The following KCND2 variants were observed in gnomAD, a reference collection of about 807,000 sequenced individuals.
The protein encoded by KCND2 is A-type voltage-gated potassium channel KCND2.
Under a neutral mutation model 54.4 loss-of-function variants are expected in KCND2, and 16 were observed. That is an observed-to-expected ratio of 0.29 (90% CI 0.20 to 0.45). The LOEUF (loss-of-function observed/expected upper bound fraction) is 0.45. Among genes scored for constraint, KCND2 ranks in the 20% least tolerant of loss-of-function variants. The probability of loss-of-function intolerance (pLI) is 1.00; values close to 1 mark genes in which losing one functional copy is unlikely to be tolerated. For missense variants in KCND2, 486 were observed against 824.2 expected, an observed-to-expected ratio of 0.59 and a Z score of 5.02; for synonymous variants, 317 against 310.7, an observed-to-expected ratio of 1.02 and a Z score of -0.21.
chr7:120,519,173 C>T (rs933949054), intron 1 of KCND2, among the ~76,000 whole-genome samples: 5 of 151,814 alleles, frequency 3.3e-5, no homozygotes, highest in African/African-American at 9.7e-5. Context: ...ACTAACAATA[C>T]AAAAAACAAC....
intron 1 of KCND2, among the ~76,000 whole-genome samples, chr7:120,439,920 TC>T (rs1801924673): frequency 6.6e-6 from 1 of 152,116 alleles, no homozygotes; most frequent in African/African-American, 2.4e-5. Context: ...GTTGGTTGTT[TC>T]CATATTTTGG....
chr7:120,669,200 A>G (rs1244697290), intron 1 of KCND2, among the ~76,000 whole-genome samples: 1 of 152,100 alleles, frequency 6.6e-6, no homozygotes, highest in Non-Finnish European at 1.5e-5. Context: ...TCACATGTTT[A>G]AAAGTGAAGT....
Position 120,656,612 on chromosome 7 carries a change from G to T in KCND2, c.1116-76291G>T, listed in dbSNP as rs541595051. On this transcript the variant is annotated intron_variant, in intron 1 of 5. Coordinates refer to ENST00000331113, the MANE Select transcript of KCND2 (RefSeq NM_012281.3). ...ATACAATGTGGAAAACCTGTGAAGT[G>T]TAACACTCAAGTGATATTTATCTAT... Among the ~76,000 whole-genome samples the T allele has an allele frequency of 1.2e-4, 19 of 152,294 alleles. 1 individual carries two copies. In the South Asian group the frequency reaches 3.1e-3, roughly 25 times the overall value.
At chr7:120,471,344 A>G (rs1802449759) in intron 1 of KCND2, among the ~76,000 whole-genome samples, 1 of 152,110 alleles carries the variant, frequency 6.6e-6, no homozygotes, top group African/African-American at 2.4e-5. Context: ...CAGATGTGCA[A>G]ACAGCAGCAA....
chr7:120,471,307 C>A (rs151204077), intron 1 of KCND2, among the ~76,000 whole-genome samples: 192 of 152,086 alleles, frequency 1.3e-3, no homozygotes, highest in Middle Eastern at 3.4e-3. Flanking sequence ...TGATATTAAT[C>A]CTCAAAATAA....
At chr7:120,560,726 T>C (rs1179140845) in intron 1 of KCND2, among the ~76,000 whole-genome samples, 2 of 152,164 alleles carry the variant, frequency 1.3e-5, no homozygotes, top group Admixed American at 6.5e-5. Flanking sequence ...CAGTCCAGTA[T>C]TCTCCTGCTT....
intron 1 of KCND2, among the ~76,000 whole-genome samples, chr7:120,613,759 CT>C (rs1792986884): frequency 6.6e-6 from 1 of 151,944 alleles, no homozygotes; most frequent in Admixed American, 6.6e-5. Flanking sequence ...TCCTACAGTC[CT>C]TTCTGTATTT....
At chr7:120,363,181 A>G (rs1800618432) in intron 1 of KCND2, among the ~76,000 whole-genome samples, 1 of 152,074 alleles carries the variant, frequency 6.6e-6, no homozygotes, top group Non-Finnish European at 1.5e-5. Context: ...CTGTAGTCAT[A>G]GCTACTCGGG....
chr7:120,687,385 C>T (rs535807297), intron 1 of KCND2, among the ~76,000 whole-genome samples: 14 of 152,198 alleles, frequency 9.2e-5, no homozygotes, highest in African/African-American at 3.1e-4. Context: ...CCGTATTGTA[C>T]ACTAAAAATT....
intron 1 of KCND2, among the ~76,000 whole-genome samples, chr7:120,381,437 A>G (rs1800914243): frequency 1.3e-5 from 2 of 152,110 alleles, no homozygotes; most frequent in South Asian, 2.1e-4. Flanking sequence ...TTCAAGTTTT[A>G]TTGGTAATAA....
rs138042115 is a variant in KCND2, at chr7:120,702,127, G to T, written c.1116-30776G>T. Among the ~76,000 whole-genome samples the T allele has an allele frequency of 4.4e-3, 670 of 152,076 alleles. 5 individuals carry two copies. The highest frequency in any genetic ancestry group is 0.015 in the African/African-American group (642 of 41,494). On this transcript the variant is annotated intron_variant, in intron 1 of 5. Transcript: ENST00000331113. Reference sequence around the variant, plus strand: ...TTACAAGAAAAAAAAACATTAAAAAGTGGGCAAAGGACATGAACACTTTAA... The same window carrying T: ...TTACAAGAAAAAAAAACATTAAAAATTGGGCAAAGGACATGAACACTTTAA...
intron 1 of KCND2, among the ~76,000 whole-genome samples, chr7:120,316,882 C>T (rs780973727): frequency 4.2e-4 from 63 of 151,410 alleles, no homozygotes; most frequent in Non-Finnish European, 7.5e-4. Flanking sequence ...CATCACCAGG[C>T]TGGAGTGTAG....
At chr7:120,571,629 G>T (rs2116427021) in intron 1 of KCND2, among the ~76,000 whole-genome samples, 1 of 152,214 alleles carries the variant, frequency 6.6e-6, no homozygotes, top group South Asian at 2.1e-4. Flanking sequence ...ACTCCTTAGG[G>T]CCCCTCTGCA....
intron 1 of KCND2, among the ~76,000 whole-genome samples, chr7:120,431,599 T>A (rs1029976): frequency 0.32 from 49,022 of 152,020 alleles, 10,932 homozygotes; most frequent in African/African-American, 0.62. Context: ...TGAGAAGGGA[T>A]AGTTGTTCAG....
At chr7:120,515,233 G>A (rs978504507) in intron 1 of KCND2, among the ~76,000 whole-genome samples, 9 of 151,850 alleles carry the variant, frequency 5.9e-5, no homozygotes, top group African/African-American at 1.9e-4. Context: ...CACCTTCACT[G>A]TCACCTCACA....
chr7:120,706,234 G>A (rs1792467080), intron 1 of KCND2, among the ~76,000 whole-genome samples: 1 of 152,140 alleles, frequency 6.6e-6, no homozygotes. Context: ...GAGTACCGAA[G>A]ATTATATAAT....
Position 120,435,097 on chromosome 7 carries a change from T to TTATTTATG in KCND2, c.1115+159357_1115+159358insGTATTTAT, listed in dbSNP as rs1402152762. Among the ~76,000 whole-genome samples the TTATTTATG allele has an allele frequency of 1.4e-3, 205 of 151,224 alleles. 1 individual carries two copies. Among genetic ancestry groups the TTATTTATG allele is most frequent in the African/African-American group, 4.9e-3 (202 of 41,306 alleles). On this transcript the variant is annotated intron_variant, in intron 1 of 5. Transcript: ENST00000331113. ...TAGAATAACAAACAATAAATTTTAT[T>TTATTTATG]TATTTATTTATTTATTTATTTATTG...
intron 1 of KCND2, among the ~76,000 whole-genome samples, chr7:120,605,164 A>G (rs1403892160): frequency 6.6e-6 from 1 of 152,190 alleles, no homozygotes; most frequent in Non-Finnish European, 1.5e-5. Flanking sequence ...CCACTGTCTA[A>G]TTCCAGAACA....
intron 1 of KCND2, among the ~76,000 whole-genome samples, chr7:120,730,882 C>G (rs1274966676): frequency 6.6e-6 from 1 of 152,192 alleles, no homozygotes; most frequent in African/African-American, 2.4e-5. Flanking sequence ...GGCTACCTCT[C>G]AAGATACAAT....
Sources: allele counts gnomAD v4.1 joint callset (sites outside exome capture counted in the v4.1 genomes callset), GRCh38; gene constraint gnomAD v4.1.1; transcripts MANE v1.5; gene names NCBI Gene and HGNC (gene_info 2026-07-23, HGNC 2026-07-21).